Variants in SCRG1 observed in about 807,000 individuals in gnomAD.
SCRG1 encodes scrapie-responsive protein 1.
In SCRG1, 3 loss-of-function variants were observed where a neutral mutation model predicts 7.7. That is an observed-to-expected ratio of 0.39 (90% CI 0.18 to 1.01). The LOEUF (loss-of-function observed/expected upper bound fraction) is 1.01. SCRG1 is among the 50% of genes least tolerant of loss of function. SCRG1 has a pLI of 0.36. For synonymous variants in SCRG1, 46 were observed against 41.2 expected (o/e 1.12, Z -0.44); for missense variants, 110 against 117.2 (o/e 0.94, Z 0.28).
At chr4:173,512,704 A>G in the SCRG1 span, among the ~76,000 whole-genome samples, 1 of 152,302 alleles carries the variant, frequency 6.6e-6, no homozygotes, top group South Asian at 2.1e-4. Flanking sequence ...TATGCATGGC[A>G]CTTTTCCTAC....
chr4:173,453,074 T>G, the SCRG1 span, among the ~76,000 whole-genome samples: 1 of 152,176 alleles, frequency 6.6e-6, no homozygotes, highest in Non-Finnish European at 1.5e-5. Context: ...CTTTTTCTTG[T>G]GACTTCCCCA....
intron 1 of SCRG1, among the ~76,000 whole-genome samples, chr4:173,396,803 C>T (rs1221582876): frequency 1.3e-5 from 2 of 149,464 alleles, no homozygotes; most frequent in African/African-American, 4.9e-5. Flanking sequence ...ACCTGTAATC[C>T]CAGCACTCTG....
At chr4:173,440,121 G>T in the SCRG1 span, among the ~76,000 whole-genome samples, 3 of 152,154 alleles carry the variant, frequency 2.0e-5, no homozygotes, top group Admixed American at 2.0e-4. Flanking sequence ...AATGAGAAGC[G>T]CTACAGGTTT....
At chr4:173,415,800 C>A in the SCRG1 span, among the ~76,000 whole-genome samples, 2 of 152,218 alleles carry the variant, frequency 1.3e-5, no homozygotes, top group African/African-American at 4.8e-5. Context: ...AGTGAGGTTT[C>A]AGGATTTAAA....
the SCRG1 span, among the ~76,000 whole-genome samples, chr4:173,413,127 AG>A: frequency 1.3e-5 from 2 of 152,008 alleles, no homozygotes. Context: ...AAAAAAAAAA[AG>A]AAAGAAAATA....
chr4:173,483,249 C>CATATATAATATATA, the SCRG1 span, among the ~76,000 whole-genome samples: 2 of 52,246 alleles, frequency 3.8e-5, no homozygotes, highest in Non-Finnish European at 6.0e-5. Flanking sequence ...TATGATATAT[C>CATATATAATATATA]ATATATGATA....
the SCRG1 span, among the ~76,000 whole-genome samples, chr4:173,411,896 G>A: frequency 6.6e-6 from 1 of 152,176 alleles, no homozygotes; most frequent in African/African-American, 2.4e-5. Context: ...CCAGGCATGT[G>A]CCTCAGCAGG....
chr4:173,483,781 A>T, the SCRG1 span, among the ~76,000 whole-genome samples: 20 of 45,030 alleles, frequency 4.4e-4, 10 homozygotes, highest in East Asian at 3.5e-3. Context: ...TATATGATAT[A>T]TCATATATCA....
At chr4:173,442,095 C>T in the SCRG1 span, among the ~76,000 whole-genome samples, 9 of 152,134 alleles carry the variant, frequency 5.9e-5, no homozygotes, top group Non-Finnish European at 1.0e-4. Context: ...AGAAATATTT[C>T]GGATCTTAAA....
the SCRG1 span, among the ~76,000 whole-genome samples, chr4:173,413,110 A>C: frequency 3.3e-5 from 5 of 151,478 alleles, no homozygotes; most frequent in African/African-American, 7.3e-5. Flanking sequence ...CATAAGTTGC[A>C]TTTCCAAAAA....
At chr4:173,485,056 T>TA in the SCRG1 span, among the ~76,000 whole-genome samples, 1 of 13,424 alleles carries the variant, frequency 7.4e-5, no homozygotes, top group Admixed American at 2.1e-3. Context: ...TATAATATAT[T>TA]ATATATTATA....
chr4:173,459,674 TAAAC>T, the SCRG1 span, among the ~76,000 whole-genome samples: 1 of 152,132 alleles, frequency 6.6e-6, no homozygotes, highest in Non-Finnish European at 1.5e-5. Flanking sequence ...AGATTTCAAA[TAAAC>T]AACCTAATGT....
At chr4:173,435,025 C>T in the SCRG1 span, among the ~76,000 whole-genome samples, 1 of 151,938 alleles carries the variant, frequency 6.6e-6, no homozygotes, top group Non-Finnish European at 1.5e-5. Context: ...TGAAAAACCA[C>T]CTTATGCGAT....
chr4:173,448,035 C>A, the SCRG1 span, among the ~76,000 whole-genome samples: 1 of 152,128 alleles, frequency 6.6e-6, no homozygotes, highest in African/African-American at 2.4e-5. Flanking sequence ...ACCAGGGAGG[C>A]AGAGGTTCCT....
At chr4:173,434,410 AC>A in the SCRG1 span, among the ~76,000 whole-genome samples, 1 of 152,224 alleles carries the variant, frequency 6.6e-6, no homozygotes, top group African/African-American at 2.4e-5. Context: ...ACAACTGTAA[AC>A]CACATATTTG....
At chr4:173,488,951 A>G in the SCRG1 span, among the ~76,000 whole-genome samples, 1 of 152,204 alleles carries the variant, frequency 6.6e-6, no homozygotes, top group Non-Finnish European at 1.5e-5. Context: ...AGAGTGCTTG[A>G]CAAAACATGA....
chr4:173,517,474 ACTG>A, the SCRG1 span, among the ~76,000 whole-genome samples: 1 of 151,220 alleles, frequency 6.6e-6, no homozygotes, highest in East Asian at 1.9e-4. Flanking sequence ...GGGGGAAGTA[ACTG>A]CTATTTTTTT....
chr4:173,420,580 A>G, the SCRG1 span, among the ~76,000 whole-genome samples: 1 of 152,118 alleles, frequency 6.6e-6, no homozygotes, highest in African/African-American at 2.4e-5. Flanking sequence ...TGTCTTGGTG[A>G]TCAGTGTGGA....
the SCRG1 span, among the ~76,000 whole-genome samples, chr4:173,519,067 C>T: frequency 1.3e-5 from 2 of 151,278 alleles, no homozygotes; most frequent in Non-Finnish European, 2.9e-5. Flanking sequence ...GCCACGTCTA[C>T]GCTATTAGCA....
Sources: allele counts gnomAD v4.1 joint callset (sites outside exome capture counted in the v4.1 genomes callset), GRCh38; gene constraint gnomAD v4.1.1; transcripts MANE v1.5; gene names NCBI Gene and HGNC (gene_info 2026-07-23, HGNC 2026-07-21).